The following TENM1 variants were observed in gnomAD, a reference collection of about 807,000 sequenced individuals.
TENM1 encodes the protein teneurin transmembrane protein 1, also known as teneurin-1.
Under a neutral mutation model 174.8 loss-of-function variants are expected in TENM1, and 35 were observed. The observed-to-expected ratio is 0.20, with a 90% CI of 0.15 to 0.27. The LOEUF (loss-of-function observed/expected upper bound fraction) is 0.27, where lower values mean the gene tolerates loss of function less well. TENM1 is among the 10% of genes least tolerant of loss of function. The pLI is 1.00. For missense variants in TENM1, 1,633 were observed against 2,130.1 expected, an observed-to-expected ratio of 0.77 and a Z score of 4.59; for synonymous variants, 781 against 798.7, an observed-to-expected ratio of 0.98 and a Z score of 0.37.
At chrX:124,795,363 T>A (rs1322803684) in intron 3 of TENM1, among the ~76,000 whole-genome samples, 2 of 112,150 alleles carry the variant, frequency 1.8e-5, no homozygotes, top group African/African-American at 3.2e-5. Context: ...GTCCTTTATC[T>A]CCTCAAATGA....
In TENM1 at chrX:124,593,270, G is replaced by A. The variant is rs1389468941; in HGVS notation, c.2078-27710C>T. Among the ~76,000 whole-genome samples the A allele has an allele frequency of 2.7e-5, 3 of 111,392 alleles. No individual in the cohort carries two copies. In the Admixed American group the frequency reaches 2.8e-4, roughly 11 times the overall value. ...CCAAGATCTCTGCACAGGAAGGATG[G>A]GGCAGGTCAGGATGCCAATCCAGGT... On this transcript the variant is annotated intron_variant, in intron 11 of 31. Coordinates refer to ENST00000422452, the Ensembl canonical transcript of TENM1.
chrX:125,015,006 T>G, the TENM1 span, among the ~76,000 whole-genome samples: 1 of 111,128 alleles, frequency 9.0e-6, no homozygotes, highest in Non-Finnish European at 1.9e-5. Flanking sequence ...CCTGCATCAC[T>G]AATCTGTTAA....
intron 6 of TENM1, among the ~76,000 whole-genome samples, chrX:124,656,953 A>C (rs2051460542): frequency 1.9e-5 from 2 of 105,272 alleles, no homozygotes; most frequent in African/African-American, 6.9e-5. Context: ...GTCTCCAGTT[A>C]AAAAAAAAAG....
chrX:124,659,603 A>ATT (rs766549412), intron 6 of TENM1, among the ~76,000 whole-genome samples: 2 of 107,834 alleles, frequency 1.9e-5, no homozygotes, highest in Admixed American at 9.9e-5. Flanking sequence ...TCCAACTCTC[A>ATT]TTTTTTTTTT....
At chrX:124,845,637 G>A (rs2056592043) in intron 3 of TENM1, among the ~76,000 whole-genome samples, 1 of 111,473 alleles carries the variant, frequency 9.0e-6, no homozygotes, top group South Asian at 3.7e-4. Context: ...TGCCTTGAAT[G>A]CCCTGAGTGA....
chrX:125,166,611 A>C, the TENM1 span, among the ~76,000 whole-genome samples: 7 of 111,848 alleles, frequency 6.3e-5, no homozygotes, highest in Admixed American at 9.5e-5. Flanking sequence ...TACCAAAAAT[A>C]TTTGGATGTG....
intron 1 of TENM1, among the ~76,000 whole-genome samples, chrX:124,931,353 G>A (rs2058168209): frequency 9.1e-6 from 1 of 110,450 alleles, no homozygotes; most frequent in African/African-American, 3.3e-5. Context: ...TAAAGTAATG[G>A]TAGCCAGGAA....
chrX:124,455,668 G>T (rs189745523), intron 22 of TENM1, among the ~76,000 whole-genome samples: 1 of 111,342 alleles, frequency 9.0e-6, no homozygotes, highest in East Asian at 2.8e-4. Flanking sequence ...TTACTAAATC[G>T]TAGTGAATGT....
rs188327930 is a variant in TENM1, at chrX:124,909,420, A to T, written c.218-13179T>A. Among the ~76,000 whole-genome samples, 533 of 111,982 alleles carry T rather than the reference A, an allele frequency of 4.8e-3. 4 individuals are homozygous for T. Among genetic ancestry groups the T allele is most frequent in the African/African-American group, 0.016 (504 of 30,814 alleles). On this transcript the variant is annotated intron_variant, in intron 1 of 31. Coordinates refer to ENST00000422452, the Ensembl canonical transcript of TENM1. Reference sequence around the variant, plus strand: ...TCAGTTCACTGCTGTCTCCATCTGGATTTCCACAGCCAGCCGCCAAAATAC... The same window carrying T: ...TCAGTTCACTGCTGTCTCCATCTGGTTTTCCACAGCCAGCCGCCAAAATAC...
intron 11 of TENM1, among the ~76,000 whole-genome samples, chrX:124,605,160 T>C (rs146131636): frequency 0.016 from 1,657 of 102,514 alleles, 35 homozygotes; most frequent in African/African-American, 0.056. Flanking sequence ...TGAGGCTGCA[T>C]TTTGGAAAAT....
At chrX:124,980,274 T>C in the TENM1 span, among the ~76,000 whole-genome samples, 2 of 111,202 alleles carry the variant, frequency 1.8e-5, no homozygotes, top group African/African-American at 6.5e-5. Context: ...GCAATATGGT[T>C]TATGAGTTGA....
chrX:125,166,151 C>T, the TENM1 span, among the ~76,000 whole-genome samples: 1 of 111,282 alleles, frequency 9.0e-6, no homozygotes, highest in East Asian at 2.8e-4. Context: ...TCATAACCTT[C>T]TTAGAAAACA....
chrX:124,476,442 G>C, intron 22 of TENM1, among the ~76,000 whole-genome samples: 1 of 111,954 alleles, frequency 8.9e-6, no homozygotes. Context: ...AAGCCGTCAA[G>C]ATTTAAGGAT....
intron 3 of TENM1, among the ~76,000 whole-genome samples, chrX:124,837,064 T>G (rs1039982258): frequency 4.5e-5 from 5 of 112,351 alleles, no homozygotes; most frequent in African/African-American, 1.6e-4. Flanking sequence ...GTCATCCAAC[T>G]ATTACATACA....
intron 1 of TENM1, among the ~76,000 whole-genome samples, chrX:124,962,284 G>A (rs762475369): frequency 9.0e-6 from 1 of 111,296 alleles, no homozygotes; most frequent in Non-Finnish European, 1.9e-5. Flanking sequence ...AAAATATTTC[G>A]GGGTTCAAGC....
intron 5 of TENM1, among the ~76,000 whole-genome samples, chrX:124,683,741 G>C (rs1014022467): frequency 3.6e-5 from 4 of 111,603 alleles, no homozygotes; most frequent in Non-Finnish European, 5.7e-5. Flanking sequence ...GGATCACTTT[G>C]TTGTCCTAAG....
At chrX:124,795,784 A>G (rs1423889261) in intron 3 of TENM1, among the ~76,000 whole-genome samples, 1 of 110,738 alleles carries the variant, frequency 9.0e-6, no homozygotes, top group Non-Finnish European at 1.9e-5. Flanking sequence ...TTGACAGGCC[A>G]AAATGTGGAA....
chrX:124,594,778 C>G (rs765521736), intron 11 of TENM1, among the ~76,000 whole-genome samples: 90 of 111,856 alleles, frequency 8.0e-4, no homozygotes, highest in Non-Finnish European at 1.6e-3. Flanking sequence ...TTGGAAAACT[C>G]CTAAATTTCT....
At chrX:125,140,482 G>C in the TENM1 span, among the ~76,000 whole-genome samples, 1 of 111,594 alleles carries the variant, frequency 9.0e-6, no homozygotes, top group Non-Finnish European at 1.9e-5. Context: ...TTGCTTAATA[G>C]GTACAAACAT....
Sources: allele counts gnomAD v4.1 joint callset (sites outside exome capture counted in the v4.1 genomes callset), GRCh38; gene constraint gnomAD v4.1.1; transcripts MANE v1.5; gene names NCBI Gene and HGNC (gene_info 2026-07-23, HGNC 2026-07-21).